Variants in TTBK1 observed in about 807,000 individuals in gnomAD.
TTBK1 encodes tau-tubulin kinase 1.
In TTBK1, 34 loss-of-function variants were observed where a neutral mutation model predicts 108.5. The ratio of observed to expected loss-of-function variants is 0.31; its 90% CI spans 0.24 to 0.42. TTBK1 has a LOEUF of 0.42. TTBK1 is among the 10% of genes least tolerant of loss of function. The pLI, the probability that TTBK1 is intolerant of heterozygous loss-of-function variation, is 1.00. For missense variants in TTBK1, 1,539 were observed against 1,826.0 expected, an observed-to-expected ratio of 0.84 and a Z score of 2.86; for synonymous variants, 809 against 795.1, an observed-to-expected ratio of 1.02 and a Z score of -0.29.
At position 43,285,109 on chromosome 6, in the gene TTBK1, G is replaced by A. The variant is rs1302823645; in HGVS notation, c.3699G>A (p.Pro1233=). 6.8e-7 allele frequency: 1 copy of A among 1,471,050 alleles called. No individual in the cohort carries two copies. Among genetic ancestry groups the A allele is most frequent in the Non-Finnish European group, 8.9e-7 (1 of 1,119,000 alleles). The allele number at this position is 1,471,050 out of a possible 1,614,324, so 91.1% of individuals were successfully genotyped here. A position where few individuals can be genotyped will look rare whatever the true frequency, so the allele number is the denominator to read the frequency against. Reference sequence around the variant, plus strand: ...CCAGGCCCCCAGCGCCGCGCAGCCCGCGCCTCCCCGCGTCCACATCCGCCG... The same window carrying A: ...CCAGGCCCCCAGCGCCGCGCAGCCCACGCCTCCCCGCGTCCACATCCGCCG... ...AGARPPAPRS[P]RLPASTSAAR... is the part of the protein sequence containing the mutation. The change falls in exon 15 of 15, where the codon CCG becomes CCA. Residue 1233 remains proline, a synonymous_variant. Transcript: ENST00000259750. The surrounding 1 kb of genome is among the most constrained non-coding windows in gnomAD (Gnocchi z 4.7).
rs1777290298 is a variant in TTBK1 at position 43,253,151 on chromosome 6, G to A, written c.257-140G>A. ...GTCTAGGAGACATGATGAGGCTAGG[G>A]CCAGGGAGGTGGCAAGACAGGTGCT... is the stretch of plus-strand genomic sequence containing the variant. On this transcript the variant is annotated intron_variant, in intron 3 of 14. Transcript: ENST00000259750. The surrounding 1 kb of genome is among the most constrained non-coding windows in gnomAD (Gnocchi z 5.8). 1.0e-6 allele frequency: 1 copy of A among 1,003,432 alleles called. No homozygotes were observed. Among genetic ancestry groups the A allele is most frequent in the Non-Finnish European group, 1.6e-6 (1 of 643,450 alleles). 62.2% of individuals were successfully genotyped at this position (1,003,432 alleles called of 1,614,324 possible).
In TTBK1 at chr6:43,269,983, T is replaced by TTG; in HGVS notation, c.1986+6633_1986+6634insTG. The TTG allele has an allele frequency of 7.7e-7, 1 of 1,305,918 alleles. No homozygotes were observed. Among genetic ancestry groups the TTG allele is most frequent in the African/African-American group, 1.6e-5 (1 of 64,350 alleles). The allele number at this position is 1,305,918 out of a possible 1,614,324, so 80.9% of individuals were successfully genotyped here. A position where few individuals can be genotyped will look rare whatever the true frequency, so the allele number is the denominator to read the frequency against. On this transcript the variant is annotated intron_variant, in intron 13 of 14. Coordinates refer to ENST00000259750, the MANE Select transcript of TTBK1 (RefSeq NM_032538.3). The surrounding 1 kb of genome is among the most constrained non-coding windows in gnomAD (Gnocchi z 4.8). ...CCCCCCCCCTCCTGGAGGGGGCAGGTGGGGGGGGGTGGGGAGCAGGCAGAG... is the reference window on the plus strand; with the variant it reads ...CCCCCCCCCTCCTGGAGGGGGCAGGTTGGGGGGGGGGTGGGGAGCAGGCAGAG...
chr6:43,271,791 A>ATTTC (rs1471469372), intron 13 of TTBK1: 1 of 981,840 alleles, frequency 1.0e-6, no homozygotes, highest in African/African-American at 1.8e-5. Context: ...TTATTTATTT[A>ATTTC]TTTTTGAGGA....
rs1443217259 is a variant in TTBK1, at chr6:43,284,044, C to G, written c.3304C>G (p.Leu1102Val). 1 of 1,547,726 alleles carries G rather than the reference C, an allele frequency of 6.5e-7. No individual in the cohort carries two copies. The highest frequency in any genetic ancestry group is 1.9e-5 in the Admixed American group (1 of 51,952). The change falls in exon 14 of 15, where the codon CTG (leucine) becomes GTG (valine). Residue 1102 changes from leucine (L) to valine (V), a missense_variant. Physicochemically the swap from Leu to Val is conservative, Grantham distance 32. Around this residue, in one of 5 missense-constraint regions of TTBK1, gnomAD observed 1,055 missense variants for 1,086.5 expected, o/e 0.97. Coordinates refer to ENST00000259750, the MANE Select transcript of TTBK1 (RefSeq NM_032538.3). Reference sequence around the variant, plus strand: ...GATGGAGAAGAGGCAGGGCCGCCTGCTGTTGCGGCTGGCCTCAGGGGCCTC... The same window carrying G: ...GATGGAGAAGAGGCAGGGCCGCCTGGTGTTGCGGCTGGCCTCAGGGGCCTC... ...LVMEKRQGRL[L>V]LRLASGASSS...
In TTBK1 at chr6:43,246,742, T is replaced by A; in HGVS notation, c.82T>A (p.Tyr28Asn). The change falls in exon 2 of 15, where the codon TAC (tyrosine) becomes AAC (asparagine). Residue 28 changes from tyrosine to asparagine, a missense_variant. Physicochemically the swap from Tyr to Asn is moderately radical, Grantham distance 143. Around this residue, in one of 5 missense-constraint regions of TTBK1, gnomAD observed 45 missense variants for 38.0 expected, o/e 1.19. Transcript: ENST00000259750. Reference protein sequence around the residue: ...GEQADILPANYVVKDRWKVLK... With the variant: ...GEQADILPANNVVKDRWKVLK... Reference sequence around the variant, plus strand: ...GCAGGCCGACATCCTGCCGGCCAACTACGTGGTCAAGGATCGCTGGAAGGT... The same window carrying A: ...GCAGGCCGACATCCTGCCGGCCAACAACGTGGTCAAGGATCGCTGGAAGGT... 6.2e-7 allele frequency: 1 copy of A among 1,611,316 alleles called. No homozygotes were observed. Among genetic ancestry groups the A allele is most frequent in the Non-Finnish European group, 8.5e-7 (1 of 1,178,794 alleles).
intron 2 of TTBK1, among the ~76,000 whole-genome samples, chr6:43,249,163 A>G (rs1317301964): frequency 6.6e-6 from 1 of 152,006 alleles, no homozygotes; most frequent in African/African-American, 2.4e-5. Flanking sequence ...TTTGTGACCA[A>G]TTCTAGTCCA....
At chr6:43,264,727 G>A (rs1450331400) in intron 13 of TTBK1, among the ~76,000 whole-genome samples, 1 of 152,170 alleles carries the variant, frequency 6.6e-6, no homozygotes, top group African/African-American at 2.4e-5. Flanking sequence ...GGAGGAGTGG[G>A]AAGTGGTTCC....
At position 43,263,411 on chromosome 6, in the gene TTBK1, C is replaced by T. The variant is rs1180522247; in HGVS notation, c.1986+61C>T. On this transcript the variant is annotated intron_variant, in intron 13 of 14. Transcript: ENST00000259750. The surrounding 1 kb of genome is among the most constrained non-coding windows in gnomAD (Gnocchi z 4.7). ...GATGCCCAGAGTCCTGGTGTGTAGG[C>T]CTGGGGTGCTCCATGTGTGCTGGCA... 4 of 1,412,148 alleles carry T rather than the reference C, an allele frequency of 2.8e-6. No homozygotes were observed. The highest frequency in any genetic ancestry group is 3.7e-6 in the Non-Finnish European group (4 of 1,070,392). 87.5% of individuals were successfully genotyped at this position (1,412,148 alleles called of 1,614,324 possible).
Position 43,253,393 on chromosome 6 carries a change from CCTCT to C in TTBK1, c.330+32_330+35del. 1 of 1,612,726 alleles carries C rather than the reference CCTCT, an allele frequency of 6.2e-7. No individual in the cohort carries two copies. The highest frequency in any genetic ancestry group is 8.5e-7 in the Non-Finnish European group (1 of 1,178,936). ...AGTCCCCGTGGCCCATCCTCGCTCCCCTCTCTAAGAGCTTGGGCTGTGACTCCAG... is the reference window on the plus strand; with the variant it reads ...AGTCCCCGTGGCCCATCCTCGCTCCCCTAAGAGCTTGGGCTGTGACTCCAG... On this transcript the variant is annotated intron_variant, in intron 4 of 14. Coordinates refer to ENST00000259750, the MANE Select transcript of TTBK1 (RefSeq NM_032538.3). The surrounding 1 kb of genome is among the most constrained non-coding windows in gnomAD (Gnocchi z 5.8).
At chr6:43,271,009 G>A in intron 13 of TTBK1, 1 of 985,466 alleles carries the variant, frequency 1.0e-6, no homozygotes, top group Non-Finnish European at 1.2e-6. Flanking sequence ...TGGGAGTGGG[G>A]AAGTGTCAGG....
intron 12 of TTBK1, among the ~76,000 whole-genome samples, chr6:43,261,468 G>A (rs1157990833): frequency 6.6e-6 from 1 of 152,156 alleles, no homozygotes; most frequent in Non-Finnish European, 1.5e-5. Flanking sequence ...CTTGGGGCTG[G>A]CATGACCCCA....
chr6:43,266,998 C>CGTGTGTGTGTGT lies in TTBK1; in HGVS notation c.1986+3691_1986+3702dup, dbSNP rs3997628. Among the ~76,000 whole-genome samples, 24 of 128,204 alleles carry CGTGTGTGTGTGT rather than the reference C, an allele frequency of 1.9e-4. 1 individual carries two copies. Among genetic ancestry groups the CGTGTGTGTGTGT allele is most frequent in the East Asian group, 7.3e-4 (3 of 4,106 alleles). 84.1% of individuals were successfully genotyped at this position (128,204 alleles called of 152,430 possible). On this transcript the variant is annotated intron_variant, in intron 13 of 14. Coordinates refer to ENST00000259750, the MANE Select transcript of TTBK1 (RefSeq NM_032538.3). ...AGGATCAGAGAGAGCCTGGAGCATG[C>CGTGTGTGTGTGT]GTGTGTGTGTGTGTGTGTGTGTGTG...
At chr6:43,248,692 C>T (rs758618528) in intron 2 of TTBK1, among the ~76,000 whole-genome samples, 5 of 152,122 alleles carry the variant, frequency 3.3e-5, no homozygotes, top group Admixed American at 2.0e-4. Context: ...CATTGCACCC[C>T]AGCCTGGGCG....
At chr6:43,281,436 T>C (rs1469883663) in intron 13 of TTBK1, among the ~76,000 whole-genome samples, 4 of 151,052 alleles carry the variant, frequency 2.6e-5, no homozygotes, top group Admixed American at 6.6e-5. Flanking sequence ...CATAGCAGAT[T>C]TGAAGCAGAG....
In TTBK1 at chr6:43,285,803, C is replaced by T. The variant is rs772235850; in HGVS notation, c.*427C>T. 29 of 155,400 alleles carry T rather than the reference C, an allele frequency of 1.9e-4. No individual in the cohort carries two copies. Among genetic ancestry groups the T allele is most frequent in the Non-Finnish European group, 3.6e-4 (25 of 70,074 alleles). The allele number at this position is 155,400 out of a possible 1,614,324, so 9.6% of individuals were successfully genotyped here. On this transcript the variant is annotated 3_prime_UTR_variant, in exon 15 of 15. Coordinates refer to ENST00000259750, the MANE Select transcript of TTBK1 (RefSeq NM_032538.3). The surrounding 1 kb of genome is among the most constrained non-coding windows in gnomAD (Gnocchi z 4.7). ...TCTCTGCCTACACCTCCTGCGGCGC[C>T]TTGCCCTCCTCCGACCCCTTTCCAG...
At chr6:43,258,963 G>A (rs1482848825) in intron 10 of TTBK1, 75 bp from the exon 11 acceptor site, 1 of 1,159,646 alleles carries the variant, frequency 8.6e-7, no homozygotes. Flanking sequence ...CCAGGTCTGT[G>A]CTGGTAGGAG....
chr6:43,255,193 T>TGCTGGGGGGGGGGGGG, intron 7 of TTBK1, 79 bp downstream of exon 7: 3 of 266,452 alleles, frequency 1.1e-5, no homozygotes, highest in Non-Finnish European at 2.1e-5. Flanking sequence ...TGGGGAGGGG[T>TGCTGGGGGGGGGGGGG]GGGGAGAGGA....
intron 13 of TTBK1, among the ~76,000 whole-genome samples, chr6:43,278,681 G>A (rs2651194): frequency 0.48 from 73,657 of 152,100 alleles, 20,868 homozygotes; most frequent in African/African-American, 0.8. Context: ...GCACACTGAC[G>A]GTGTCTGTGG....
intron 12 of TTBK1, among the ~76,000 whole-genome samples, chr6:43,262,588 G>A (rs78686889): frequency 2.0e-5 from 3 of 152,318 alleles, no homozygotes; most frequent in South Asian, 2.1e-4. Flanking sequence ...ATGAACGAAC[G>A]AACTAACAAA....
Sources: gnomAD v4.1 joint callset for allele counts (sites outside exome capture counted in the v4.1 genomes callset) on GRCh38, gnomAD v4.1.1 for gene constraint, gnomAD v4.1.1 regional missense constraint, Gnocchi (gnomAD v3.1) non-coding constraint, MANE v1.5 for transcripts, NCBI Gene and HGNC (gene_info 2026-07-23, HGNC 2026-07-21) for gene names.